Variants in CSNK2A2IP observed in about 807,000 individuals in gnomAD.
CSNK2A2IP encodes the protein casein kinase II subunit alpha'-interacting protein.
the CSNK2A2IP span, among the ~76,000 whole-genome samples, chr3:88,362,696 T>C: frequency 6.6e-6 from 1 of 152,134 alleles, no homozygotes; most frequent in Non-Finnish European, 1.5e-5. Flanking sequence ...TGGGGCTGGC[T>C]CCACCACGCT....
chr3:88,446,856 T>G, the CSNK2A2IP span, among the ~76,000 whole-genome samples: 1 of 152,240 alleles, frequency 6.6e-6, no homozygotes, highest in African/African-American at 2.4e-5. Flanking sequence ...TGATGGTCCT[T>G]ATAATTAACA....
the CSNK2A2IP span, among the ~76,000 whole-genome samples, chr3:88,424,040 G>A: frequency 2.0e-5 from 3 of 152,064 alleles, no homozygotes; most frequent in Non-Finnish European, 4.4e-5. Flanking sequence ...TTTCAACTCG[G>A]ATATACTTGC....
At chr3:88,343,920 C>G in the CSNK2A2IP span, among the ~76,000 whole-genome samples, 10 of 151,950 alleles carry the variant, frequency 6.6e-5, no homozygotes, top group African/African-American at 2.4e-4. Context: ...AATAAATCAT[C>G]TAGGTTATTC....
chr3:88,456,749 C>CA, the CSNK2A2IP span, among the ~76,000 whole-genome samples: 1 of 150,068 alleles, frequency 6.7e-6, no homozygotes, highest in Non-Finnish European at 1.5e-5. Flanking sequence ...ACACTTTTGT[C>CA]AAAAAATCTG....
At chr3:88,393,103 C>T in the CSNK2A2IP span, among the ~76,000 whole-genome samples, 1 of 152,050 alleles carries the variant, frequency 6.6e-6, no homozygotes, top group African/African-American at 2.4e-5. Context: ...TAGTGACAAT[C>T]GAAGGACATT....
At chr3:88,360,180 G>A in the CSNK2A2IP span, among the ~76,000 whole-genome samples, 1 of 149,900 alleles carries the variant, frequency 6.7e-6, no homozygotes, top group Non-Finnish European at 1.5e-5. Flanking sequence ...CTGTTGCCCA[G>A]GCTGGAGTGC....
At chr3:88,381,807 G>T in the CSNK2A2IP span, among the ~76,000 whole-genome samples, 1 of 152,194 alleles carries the variant, frequency 6.6e-6, no homozygotes, top group African/African-American at 2.4e-5. Context: ...GAACTGTTTG[G>T]AAGTGATGGA....
chr3:88,377,101 G>A, the CSNK2A2IP span, among the ~76,000 whole-genome samples: 1 of 151,750 alleles, frequency 6.6e-6, no homozygotes, highest in Non-Finnish European at 1.5e-5. Flanking sequence ...TTAACAATTA[G>A]CAATGGGTTG....
the CSNK2A2IP span, among the ~76,000 whole-genome samples, chr3:88,396,396 C>T: frequency 3.9e-5 from 6 of 152,200 alleles, no homozygotes; most frequent in East Asian, 1.9e-4. Flanking sequence ...TGAGCCACCG[C>T]GCCCGGCCGA....
chr3:88,404,295 A>AT, the CSNK2A2IP span, among the ~76,000 whole-genome samples: 1 of 152,062 alleles, frequency 6.6e-6, no homozygotes, highest in Non-Finnish European at 1.5e-5. Flanking sequence ...ATGCTGCAAA[A>AT]TTTTCCTGTG....
chr3:88,378,675 C>T, the CSNK2A2IP span, among the ~76,000 whole-genome samples: 1 of 151,984 alleles, frequency 6.6e-6, no homozygotes, highest in Non-Finnish European at 1.5e-5. Flanking sequence ...GAATGACCAA[C>T]TTATTCTTAA....
the CSNK2A2IP span, among the ~76,000 whole-genome samples, chr3:88,366,889 G>A: frequency 6.6e-6 from 1 of 152,062 alleles, no homozygotes; most frequent in Non-Finnish European, 1.5e-5. Flanking sequence ...AAGGCGAAAG[G>A]CACTTCTTAC....
chr3:88,349,052 C>T, the CSNK2A2IP span, among the ~76,000 whole-genome samples: 1 of 151,956 alleles, frequency 6.6e-6, no homozygotes, highest in African/African-American at 2.4e-5. Context: ...CATCGATTTT[C>T]CAAGTTTTCT....
chr3:88,391,103 A>G, the CSNK2A2IP span, among the ~76,000 whole-genome samples: 1 of 152,180 alleles, frequency 6.6e-6, no homozygotes, highest in Non-Finnish European at 1.5e-5. Context: ...AATACTTAAT[A>G]GGCAGCTGCA....
the CSNK2A2IP span, among the ~76,000 whole-genome samples, chr3:88,435,735 T>C: frequency 6.6e-6 from 1 of 152,066 alleles, no homozygotes; most frequent in South Asian, 2.1e-4. Flanking sequence ...CATTGTTACA[T>C]GGTGAGGATT....
chr3:88,462,013 T>A, the CSNK2A2IP span, among the ~76,000 whole-genome samples: 1 of 151,954 alleles, frequency 6.6e-6, no homozygotes, highest in Admixed American at 6.6e-5. Flanking sequence ...GCCATTTGGA[T>A]ATCCTTGTTT....
At chr3:88,359,691 T>G in the CSNK2A2IP span, among the ~76,000 whole-genome samples, 2 of 152,226 alleles carry the variant, frequency 1.3e-5, no homozygotes, top group Non-Finnish European at 2.9e-5. Flanking sequence ...CTTCTTGTTA[T>G]TAATTTCTAG....
chr3:88,433,735 G>A, the CSNK2A2IP span, among the ~76,000 whole-genome samples: 3 of 152,264 alleles, frequency 2.0e-5, no homozygotes, highest in Non-Finnish European at 2.9e-5. Context: ...CCTTGGGGAC[G>A]TTGTGCTTTC....
At chr3:88,366,925 G>A in the CSNK2A2IP span, among the ~76,000 whole-genome samples, 4 of 152,062 alleles carry the variant, frequency 2.6e-5, no homozygotes, top group Non-Finnish European at 4.4e-5. Context: ...CAGAATGAGA[G>A]CCAAGTGAAA....
Sources: allele counts gnomAD v4.1 joint callset (sites outside exome capture counted in the v4.1 genomes callset), GRCh38; gene constraint gnomAD v4.1.1; transcripts MANE v1.5; gene names NCBI Gene and HGNC (gene_info 2026-07-23, HGNC 2026-07-21).